WWOX: variants seen among roughly 807,000 people sequenced by gnomAD.
The protein encoded by WWOX is WW domain-containing oxidoreductase.
Under a neutral mutation model 46.2 loss-of-function variants are expected in WWOX, and 69 were observed. The observed-to-expected ratio is 1.49, with a 90% confidence interval of 1.23 to 1.82. The LOEUF (loss-of-function observed/expected upper bound fraction) is 1.82, where lower values mean the gene tolerates loss of function less well. WWOX is among the 40% of genes most tolerant of loss of function. The pLI, the probability that WWOX is intolerant of heterozygous loss-of-function variation, is 0.00. For synonymous variants in WWOX, 359 were observed against 202.6 expected, an observed-to-expected ratio of 1.77 and a Z score of -6.56; for missense variants, 919 against 542.6, an observed-to-expected ratio of 1.69 and a Z score of -6.89.
chr16:78,950,561 C>CAT (rs2046040199), intron 8 of WWOX, among the ~76,000 whole-genome samples: 1 of 149,946 alleles, frequency 6.7e-6, no homozygotes, highest in Non-Finnish European at 1.5e-5. Flanking sequence ...CACACACACA[C>CAT]ACACGTTTCT....
rs934939648 is a variant in WWOX at position 78,983,964 on chromosome 16, G to A, written c.1057-227644G>A. ...GCAGTCTCAGCTGACTGCAAGCTCT[G>A]CATCCCAGGTTCACGCTATTCTCCT... is the stretch of plus-strand genomic sequence containing the variant. On this transcript the variant is annotated intron_variant, in intron 8 of 8. Transcript: ENST00000566780. 3.7e-5 allele frequency among the ~76,000 whole-genome samples: 5 copies of A among 134,142 alleles called. No individual in the cohort carries two copies. The East Asian group carries it at 6.6e-4, about 18-fold the overall frequency. The allele number at this position is 134,142 out of a possible 152,430, so 88.0% of individuals were successfully genotyped here.
chr16:79,148,519 T>A (rs572656067), intron 8 of WWOX, among the ~76,000 whole-genome samples: 1 of 152,310 alleles, frequency 6.6e-6, no homozygotes, highest in Non-Finnish European at 1.5e-5. Flanking sequence ...TGTATTCTTT[T>A]TTATTAAGAT....
chr16:78,406,354 A>G (rs868697917), intron 6 of WWOX, among the ~76,000 whole-genome samples: 2 of 66,600 alleles, frequency 3.0e-5, no homozygotes, highest in Admixed American at 3.6e-4. Flanking sequence ...ATATATATAT[A>G]TTTTATTATT....
intron 5 of WWOX, among the ~76,000 whole-genome samples, chr16:78,188,072 G>T (rs550461164): frequency 6.6e-6 from 1 of 152,260 alleles, no homozygotes; most frequent in African/African-American, 2.4e-5. Context: ...TCGATTAAAA[G>T]GTACTTGCTA....
At chr16:78,747,329 G>A (rs141755212) in intron 8 of WWOX, among the ~76,000 whole-genome samples, 1 of 151,780 alleles carries the variant, frequency 6.6e-6, no homozygotes, top group Non-Finnish European at 1.5e-5. Context: ...ATTGCTGAGA[G>A]TACAGGCATC....
intron 6 of WWOX, among the ~76,000 whole-genome samples, chr16:78,415,107 A>G (rs71396183): frequency 0.024 from 3,528 of 148,524 alleles, 68 homozygotes; most frequent in Non-Finnish European, 0.032. Flanking sequence ...ACAATATTAT[A>G]TATAATATAT....
intron 8 of WWOX, among the ~76,000 whole-genome samples, chr16:78,819,635 C>A (rs2051438804): frequency 2.0e-5 from 3 of 152,204 alleles, no homozygotes; most frequent in Admixed American, 1.3e-4. Context: ...TGTACACTGT[C>A]CCTTCAATAA....
intron 5 of WWOX, among the ~76,000 whole-genome samples, chr16:78,223,747 C>T (rs1597371080): frequency 1.3e-5 from 2 of 152,106 alleles, no homozygotes; most frequent in East Asian, 3.9e-4. Context: ...GCTGAGTGGC[C>T]ACCTTTGTCA....
chr16:78,740,402 G>T (rs1217507824), intron 8 of WWOX, among the ~76,000 whole-genome samples: 1 of 152,176 alleles, frequency 6.6e-6, no homozygotes, highest in African/African-American at 2.4e-5. Flanking sequence ...CTGCTAATAG[G>T]GTTGGCAGCG....
At chr16:78,691,923 G>C (rs147576180) in intron 8 of WWOX, among the ~76,000 whole-genome samples, 57 of 152,294 alleles carry the variant, frequency 3.7e-4, no homozygotes, top group African/African-American at 1.3e-3. Context: ...CCTTTCCCAT[G>C]CTATTCTCAT....
chr16:78,380,136 C>T (rs1206513062), intron 5 of WWOX, among the ~76,000 whole-genome samples: 1 of 152,090 alleles, frequency 6.6e-6, no homozygotes, highest in Non-Finnish European at 1.5e-5. Flanking sequence ...TACCGGGTTA[C>T]CAAGAGCAGG....
chr16:78,926,918 T>C (rs373241382), intron 8 of WWOX, among the ~76,000 whole-genome samples: 88 of 152,280 alleles, frequency 5.8e-4, no homozygotes, highest in African/African-American at 2.1e-3. Flanking sequence ...CACCTCAGCT[T>C]CCTAAGTAGC....
intron 8 of WWOX, among the ~76,000 whole-genome samples, chr16:78,545,995 A>G (rs2044021879): frequency 6.6e-6 from 1 of 152,182 alleles, no homozygotes; most frequent in Non-Finnish European, 1.5e-5. Flanking sequence ...TTAGAACTTC[A>G]GGATATAAAT....
In WWOX at chr16:79,093,331, C is replaced by G. The variant is rs1017217742; in HGVS notation, c.1057-118277C>G. ...GTAGTTGCGTTTAGGGGATGAGACT[C>G]TAAATTTGTTTATTTAAATTTTCTC... On this transcript the variant is annotated intron_variant, in intron 8 of 8. Transcript: ENST00000566780. Among the ~76,000 whole-genome samples, 3 of 152,132 alleles carry G rather than the reference C, an allele frequency of 2.0e-5. No homozygotes were observed. In the East Asian group the frequency reaches 5.8e-4, roughly 29 times the overall value.
chr16:79,090,442 A>G (rs2048937047), intron 8 of WWOX, among the ~76,000 whole-genome samples: 1 of 152,144 alleles, frequency 6.6e-6, no homozygotes, highest in South Asian at 2.1e-4. Context: ...ATACCTAGTG[A>G]TACAGCAGTG....
intron 8 of WWOX, among the ~76,000 whole-genome samples, chr16:78,822,353 G>C (rs111402412): frequency 7.2e-5 from 11 of 152,148 alleles, no homozygotes; most frequent in Non-Finnish European, 1.5e-4. Flanking sequence ...AATTAGCCAG[G>C]TGTGGTGGCA....
At chr16:79,069,269 C>T (rs1229856360) in intron 8 of WWOX, among the ~76,000 whole-genome samples, 2 of 152,166 alleles carry the variant, frequency 1.3e-5, no homozygotes, top group Non-Finnish European at 2.9e-5. Context: ...TTAGAGTTGC[C>T]AGTTCTCTTA....
At chr16:78,334,549 C>T (rs947204736) in intron 5 of WWOX, among the ~76,000 whole-genome samples, 1 of 152,056 alleles carries the variant, frequency 6.6e-6, no homozygotes, top group African/African-American at 2.4e-5. Flanking sequence ...TTCCAGCCAT[C>T]ATTCTGTTCA....
At chr16:78,669,532 C>T (rs2047411901) in intron 8 of WWOX, among the ~76,000 whole-genome samples, 2 of 152,162 alleles carry the variant, frequency 1.3e-5, no homozygotes, top group South Asian at 2.1e-4. Flanking sequence ...AGGACAGTAC[C>T]TACCACAAAG....
Sources: gnomAD v4.1 joint callset for allele counts (sites outside exome capture counted in the v4.1 genomes callset) on GRCh38, gnomAD v4.1.1 for gene constraint, MANE v1.5 for transcripts, NCBI Gene and HGNC (gene_info 2026-07-23, HGNC 2026-07-21) for gene names.